The following IGF2BP3 variants were observed in gnomAD, a reference collection of about 807,000 sequenced individuals.
The protein encoded by IGF2BP3 is insulin like growth factor 2 mRNA binding protein 3, also known as insulin-like growth factor 2 mRNA-binding protein 3.
IGF2BP3 carries 9 observed loss-of-function variants against 73.8 expected under a neutral mutation model. The ratio of observed to expected loss-of-function variants is 0.12; its 90% CI spans 0.07 to 0.21. The LOEUF is 0.21. Among genes scored for constraint, IGF2BP3 ranks in the 10% least tolerant of loss-of-function variants. The pLI is 1.00. For missense variants in IGF2BP3, 542 were observed against 714.0 expected, an observed-to-expected ratio of 0.76 and a Z score of 2.75; for synonymous variants, 258 against 256.7, an observed-to-expected ratio of 1.01 and a Z score of -0.05.
intron 2 of IGF2BP3, among the ~76,000 whole-genome samples, chr7:23,449,387 G>A (rs1333606089): frequency 6.6e-6 from 1 of 151,674 alleles, no homozygotes; most frequent in Non-Finnish European, 1.5e-5. Flanking sequence ...TGTGGTGGTG[G>A]GCGTCTGTAG....
chr7:23,415,946 T>C (rs1363635056), intron 3 of IGF2BP3, among the ~76,000 whole-genome samples: 2 of 152,208 alleles, frequency 1.3e-5, no homozygotes, highest in Non-Finnish European at 2.9e-5. Flanking sequence ...TGAGAGCTGG[T>C]GAATTTGTTG....
At chr7:23,342,452 C>T (rs1784736383) in intron 9 of IGF2BP3, among the ~76,000 whole-genome samples, 2 of 152,254 alleles carry the variant, frequency 1.3e-5, no homozygotes, top group South Asian at 4.2e-4. Flanking sequence ...TTTCCTTTCC[C>T]TTATGACTAG....
chr7:23,381,173 A>G (rs922473754), intron 3 of IGF2BP3, among the ~76,000 whole-genome samples: 2 of 152,234 alleles, frequency 1.3e-5, no homozygotes, highest in African/African-American at 4.8e-5. Flanking sequence ...CACAGTAATC[A>G]GCCACCAAAC....
intron 3 of IGF2BP3, among the ~76,000 whole-genome samples, chr7:23,378,979 T>C (rs1022025860): frequency 6.6e-6 from 1 of 152,170 alleles, no homozygotes; most frequent in African/African-American, 2.4e-5. Context: ...GAAAAAAAGA[T>C]GCTTACCACA....
chr7:23,399,395 T>A (rs1786587973), intron 3 of IGF2BP3, among the ~76,000 whole-genome samples: 1 of 134,316 alleles, frequency 7.4e-6, no homozygotes, highest in Non-Finnish European at 1.6e-5. Context: ...ATAATAATAA[T>A]AAAATTAAAT....
At position 23,380,409 on chromosome 7, in the gene IGF2BP3, C is replaced by T. The variant is rs1340149435; in HGVS notation, c.286-18668G>A. Among the ~76,000 whole-genome samples, 7 of 152,062 alleles carry T rather than the reference C, an allele frequency of 4.6e-5. No individual in the cohort carries two copies. The East Asian group carries it at 9.7e-4, about 21-fold the overall frequency. ...CGATCTCCTGACCTCGTGATCCATC[C>T]GCTTCGGCCTCCCAAAGTGCTGGGG... On this transcript the variant is annotated intron_variant, in intron 3 of 14. Coordinates refer to ENST00000258729, the MANE Select transcript of IGF2BP3 (RefSeq NM_006547.3).
intron 7 of IGF2BP3, among the ~76,000 whole-genome samples, chr7:23,347,363 T>C (rs1358924260): frequency 2.0e-5 from 3 of 152,180 alleles, no homozygotes; most frequent in Non-Finnish European, 4.4e-5. Context: ...TGCCTTCTTC[T>C]ATAGCTGCAT....
intron 3 of IGF2BP3, among the ~76,000 whole-genome samples, chr7:23,382,075 C>T (rs532638638): frequency 6.6e-6 from 1 of 152,038 alleles, no homozygotes; most frequent in African/African-American, 2.4e-5. Flanking sequence ...CATAGGAAGA[C>T]CCCATCTTTA....
chr7:23,424,928 A>AT (rs1787465126), intron 2 of IGF2BP3, among the ~76,000 whole-genome samples: 1 of 152,226 alleles, frequency 6.6e-6, no homozygotes, highest in Non-Finnish European at 1.5e-5. Flanking sequence ...AACGAGTATG[A>AT]TAATCTGATC....
chr7:23,433,510 G>A (rs1300679721), intron 2 of IGF2BP3, among the ~76,000 whole-genome samples: 3 of 149,988 alleles, frequency 2.0e-5, no homozygotes, highest in African/African-American at 7.3e-5. Context: ...TTTGAGACAG[G>A]GTTTTTGCTC....
At chr7:23,324,745 T>C (rs1784247669) in intron 10 of IGF2BP3, among the ~76,000 whole-genome samples, 1 of 102,016 alleles carries the variant, frequency 9.8e-6, no homozygotes, top group Admixed American at 1.2e-4. Context: ...GCTTCATCCC[T>C]GGGATGCAAG....
At chr7:23,428,536 TATATA>T (rs1411945352) in intron 2 of IGF2BP3, among the ~76,000 whole-genome samples, 15 of 148,320 alleles carry the variant, frequency 1.0e-4, no homozygotes, top group Non-Finnish European at 1.6e-4. Flanking sequence ...AAAATATATA[TATATA>T]ATATATATTT....
intron 3 of IGF2BP3, among the ~76,000 whole-genome samples, chr7:23,407,571 G>A (rs748970893): frequency 1.5e-4 from 22 of 144,642 alleles, no homozygotes; most frequent in East Asian, 1.2e-3. Context: ...TTGGGCCATC[G>A]CACTCCGGCC....
chr7:23,377,293 T>C (rs1377054543), intron 3 of IGF2BP3, among the ~76,000 whole-genome samples: 1 of 152,028 alleles, frequency 6.6e-6, no homozygotes, highest in Non-Finnish European at 1.5e-5. Flanking sequence ...AAAGGCCAAA[T>C]AACCCATTTT....
chr7:23,349,325 C>G (rs1784905221), intron 6 of IGF2BP3, among the ~76,000 whole-genome samples: 1 of 152,016 alleles, frequency 6.6e-6, no homozygotes, highest in African/African-American at 2.4e-5. Context: ...TGGTTGAAAT[C>G]TGAAGATTTA....
chr7:23,448,784 C>T, intron 2 of IGF2BP3, among the ~76,000 whole-genome samples: 1 of 152,092 alleles, frequency 6.6e-6, no homozygotes, highest in East Asian at 1.9e-4. Context: ...GCCACAACAC[C>T]ACACCTGGCT....
At chr7:23,325,675 C>G (rs1407389467) in intron 10 of IGF2BP3, among the ~76,000 whole-genome samples, 4 of 152,202 alleles carry the variant, frequency 2.6e-5, no homozygotes, top group African/African-American at 9.7e-5. Context: ...TCAAACTATA[C>G]TACAAGGCTA....
At chr7:23,396,042 T>G (rs1258703363) in intron 3 of IGF2BP3, among the ~76,000 whole-genome samples, 1 of 3,432 alleles carries the variant, frequency 2.9e-4, no homozygotes, top group African/African-American at 4.6e-4. Flanking sequence ...ATCCAGTGAG[T>G]TTTTTTTTTT....
intron 5 of IGF2BP3, among the ~76,000 whole-genome samples, chr7:23,354,174 A>G (rs1037918294): frequency 3.3e-5 from 5 of 152,150 alleles, no homozygotes; most frequent in East Asian, 1.9e-4. Context: ...TTGTATTTTT[A>G]GTAGAGATGG....
Sources: allele counts gnomAD v4.1 joint callset (sites outside exome capture counted in the v4.1 genomes callset), GRCh38; gene constraint gnomAD v4.1.1; transcripts MANE v1.5; gene names NCBI Gene and HGNC (gene_info 2026-07-23, HGNC 2026-07-21).